Variants in LHX4 observed in about 807,000 individuals in gnomAD.
The protein encoded by LHX4 is LIM/homeobox protein Lhx4.
LHX4 carries 16 observed loss-of-function variants against 39.2 expected under a neutral mutation model. That is an observed-to-expected ratio of 0.41 (90% CI 0.28 to 0.62). The LOEUF is 0.62. LHX4 is among the 20% of genes least tolerant of loss of function. LHX4 has a pLI of 0.33. For synonymous variants in LHX4, 206 were observed against 198.1 expected (o/e 1.04, Z -0.33); for missense variants, 439 against 511.9 (o/e 0.86, Z 1.37).
At chr1:180,259,594 C>T (rs1309863996) in intron 2 of LHX4, among the ~76,000 whole-genome samples, 1 of 151,230 alleles carries the variant, frequency 6.6e-6, no homozygotes, top group Non-Finnish European at 1.5e-5. Flanking sequence ...AGTGGGGGAG[C>T]GGGTGGGAGG....
At chr1:180,260,017 T>C (rs935940384) in intron 2 of LHX4, among the ~76,000 whole-genome samples, 1 of 151,134 alleles carries the variant, frequency 6.6e-6, no homozygotes, top group Admixed American at 6.6e-5. Context: ...CCTGGAAGGA[T>C]GGTCTATGTG....
At chr1:180,231,494 C>T (rs1437682755) in intron 1 of LHX4, among the ~76,000 whole-genome samples, 3 of 151,306 alleles carry the variant, frequency 2.0e-5, no homozygotes, top group South Asian at 4.2e-4. Context: ...CTGTGCTTCA[C>T]TCCTGAGCGA....
At chr1:180,256,510 T>C (rs1012244759) in intron 2 of LHX4, among the ~76,000 whole-genome samples, 4 of 152,216 alleles carry the variant, frequency 2.6e-5, no homozygotes, top group Admixed American at 2.6e-4. Flanking sequence ...CCCATTCCAG[T>C]TCCTGCGGGT....
At chr1:180,258,364 G>T (rs1294950335) in intron 2 of LHX4, among the ~76,000 whole-genome samples, 1 of 152,210 alleles carries the variant, frequency 6.6e-6, no homozygotes, top group African/African-American at 2.4e-5. Context: ...AGTGGAGGAG[G>T]GAGGGTGGAA....
chr1:180,272,037 C>T (rs1347264775), intron 5 of LHX4, 31 bp downstream of exon 5: 3 of 1,590,636 alleles, frequency 1.9e-6, no homozygotes, highest in East Asian at 4.5e-5. Flanking sequence ...CAGGCCGAGG[C>T]CTTAGGAAAG....
Position 180,266,583 on chromosome 1 carries a change from C to T in LHX4, c.440C>T (p.Ala147Val). The change falls in exon 3 of 6, where the codon GCC (alanine) becomes GTC (valine). Residue 147 changes from alanine to valine, a missense_variant. Transcript: ENST00000263726. The surrounding 1 kb of genome is among the most constrained non-coding windows in gnomAD (Gnocchi z 5.7). ...RLVCKEDYET[A>V]KQNDDSEAGA... ...GTGTGCAAGGAAGACTACGAGACAG[C>T]CAAGCAGAACGGTAAGCAGCATGGC... 6.2e-7 allele frequency: 1 copy of T among 1,614,058 alleles called. No homozygotes were observed. Among genetic ancestry groups the T allele is most frequent in the Non-Finnish European group, 8.5e-7 (1 of 1,179,982 alleles).
intron 2 of LHX4, among the ~76,000 whole-genome samples, chr1:180,260,506 C>T (rs918465455): frequency 2.0e-5 from 3 of 151,690 alleles, no homozygotes; most frequent in Non-Finnish European, 4.4e-5. Flanking sequence ...GGAGCTCAGG[C>T]GGAGCTCAGG....
At chr1:180,262,372 T>G (rs954235871) in intron 2 of LHX4, among the ~76,000 whole-genome samples, 15 of 151,788 alleles carry the variant, frequency 9.9e-5, no homozygotes, top group African/African-American at 3.6e-4. Flanking sequence ...GCCTGTCACC[T>G]GTCTTTACTG....
chr1:180,238,258 A>G (rs1571257854), intron 1 of LHX4, among the ~76,000 whole-genome samples: 1 of 152,224 alleles, frequency 6.6e-6, no homozygotes, highest in Non-Finnish European at 1.5e-5. Context: ...TTTCAAAGGC[A>G]CCCCAAGCCA....
rs146717281 is a variant in LHX4 at position 180,245,839 on chromosome 1, G to A, written c.77-2446G>A. Among the ~76,000 whole-genome samples, 273 of 152,278 alleles carry A rather than the reference G, an allele frequency of 1.8e-3. 2 individuals are homozygous for A. The highest frequency in any genetic ancestry group is 0.015 in the South Asian group (72 of 4,824). ...CAGAGCCAGGATCCAAACCCAGGCA[G>A]CTGAGCTCCAGAATCCACATTCCCA... On this transcript the variant is annotated intron_variant, in intron 1 of 5. Transcript: ENST00000263726.
chr1:180,249,698 G>C (rs931960632), intron 2 of LHX4, among the ~76,000 whole-genome samples: 12 of 152,232 alleles, frequency 7.9e-5, no homozygotes, highest in Admixed American at 6.5e-4. Flanking sequence ...TTTCACTATG[G>C]AGAATAAGTG....
At chr1:180,241,977 C>G (rs1664452478) in intron 1 of LHX4, among the ~76,000 whole-genome samples, 2 of 151,938 alleles carry the variant, frequency 1.3e-5, no homozygotes, top group Non-Finnish European at 2.9e-5. Context: ...CCGACTATGC[C>G]TGGCGATTTT....
At chr1:180,246,726 A>T (rs1003736721) in intron 1 of LHX4, among the ~76,000 whole-genome samples, 16 of 152,164 alleles carry the variant, frequency 1.1e-4, no homozygotes. Flanking sequence ...AAAACAAAAC[A>T]AACAAAAAAA....
Position 180,269,134 on chromosome 1 carries a change from A to T in LHX4, c.452-2246A>T, listed in dbSNP as rs1648468686. 2.2e-4 allele frequency among the ~76,000 whole-genome samples: 3 copies of T among 13,766 alleles called. No homozygotes were observed. In the South Asian group the frequency reaches 6.2e-3, roughly 28 times the overall value. The allele number at this position is 13,766 out of a possible 152,430, so 9.0% of individuals were successfully genotyped here. On this transcript the variant is annotated intron_variant, in intron 3 of 5. Transcript: ENST00000263726. ...AATTTTCCTGTAGGAATTAATGTAG[A>T]GTGTGTGGGGGGGGGGGTGGTATAT...
In LHX4 at chr1:180,234,220, T is replaced by TATATATATATAA. The variant is rs1389328209; in HGVS notation, c.76+3616_76+3617insTATATATATAAA. Among the ~76,000 whole-genome samples the TATATATATATAA allele has an allele frequency of 2.7e-4, 19 of 70,196 alleles. 1 individual carries two copies. The highest frequency in any genetic ancestry group is 8.3e-4 in the African/African-American group (11 of 13,242). The allele number at this position is 70,196 out of a possible 152,430, so 46.1% of individuals were successfully genotyped here. ...ATATATATATATATATATATATATA[T>TATATATATATAA]AATAGATTGAGATTCTATCATATTC... On this transcript the variant is annotated intron_variant, in intron 1 of 5. Transcript: ENST00000263726. This position sits in a 1 kb window ranked among gnomAD's most constrained non-coding sequence, Gnocchi z 4.8.
intron 2 of LHX4, among the ~76,000 whole-genome samples, chr1:180,263,501 C>A (rs149782298): frequency 6.8e-6 from 1 of 146,984 alleles, no homozygotes; most frequent in Non-Finnish European, 1.5e-5. Context: ...GGAGGTGCTG[C>A]ATGCGGCTCC....
intron 2 of LHX4, among the ~76,000 whole-genome samples, chr1:180,250,375 G>A (rs1040689222): frequency 6.6e-6 from 1 of 151,944 alleles, no homozygotes; most frequent in Admixed American, 6.6e-5. Flanking sequence ...ATATGTACCC[G>A]GGTGCAAATG....
At chr1:180,260,998 A>G (rs1346644851) in intron 2 of LHX4, among the ~76,000 whole-genome samples, 1 of 151,948 alleles carries the variant, frequency 6.6e-6, no homozygotes. Flanking sequence ...CTCAGGAGAC[A>G]GTCTGGAGGC....
chr1:180,262,974 G>A (rs1039815969), intron 2 of LHX4, among the ~76,000 whole-genome samples: 3 of 152,204 alleles, frequency 2.0e-5, no homozygotes, highest in Admixed American at 2.0e-4. Context: ...CTCCTGGGGG[G>A]ACTGGTTGTC....
Sources: gnomAD v4.1 joint callset for allele counts (sites outside exome capture counted in the v4.1 genomes callset) on GRCh38, gnomAD v4.1.1 for gene constraint, Gnocchi (gnomAD v3.1) non-coding constraint, MANE v1.5 for transcripts, NCBI Gene and HGNC (gene_info 2026-07-23, HGNC 2026-07-21) for gene names.